MYO3B: variants seen among roughly 807,000 people sequenced by gnomAD.
The protein encoded by MYO3B is myosin-IIIb.
MYO3B carries 156 observed loss-of-function variants against 174.6 expected under a neutral mutation model. The observed-to-expected ratio is 0.89, with a 90% confidence interval of 0.78 to 1.02. The LOEUF (loss-of-function observed/expected upper bound fraction) is 1.02. MYO3B is among the 50% of genes least tolerant of loss of function. The probability of loss-of-function intolerance (pLI) is 0.00; values close to 1 mark genes in which losing one functional copy is unlikely to be tolerated. For missense variants in MYO3B, 1,632 were observed against 1,639.4 expected (o/e 1.00, Z 0.08); for synonymous variants, 563 against 569.1 (o/e 0.99, Z 0.15).
At position 170,236,019 on chromosome 2, in the gene MYO3B, C is replaced by A. The variant is rs753905500; in HGVS notation, c.632C>A (p.Ser211Tyr). ...EVIACEQQYD[S>Y]SYDARCDVWS... The stretch of plus-strand genomic sequence containing the variant: ...ATTGCCTGTGAGCAGCAGTATGACT[C>A]TTCCTATGACGCTCGCTGTGACGTC... The change falls in exon 7 of 35, where the codon TCT becomes TAT. Residue 211 changes from serine to tyrosine, a missense_variant. Physicochemically the swap from Ser to Tyr is moderately radical, Grantham distance 144. Coordinates refer to ENST00000408978, the MANE Select transcript of MYO3B (RefSeq NM_138995.5). 1 of 1,614,118 alleles carries A rather than the reference C, an allele frequency of 6.2e-7. No individual in the cohort carries two copies. The highest frequency in any genetic ancestry group is 1.1e-5 in the South Asian group (1 of 91,048).
chr2:170,629,731 T>C (rs2105374720), intron 32 of MYO3B, among the ~76,000 whole-genome samples: 1 of 152,116 alleles, frequency 6.6e-6, no homozygotes, highest in East Asian at 1.9e-4. Context: ...ATGCCTATAA[T>C]CCCAGCTACT....
intron 32 of MYO3B, among the ~76,000 whole-genome samples, chr2:170,584,547 G>C (rs1332198755): frequency 3.3e-5 from 5 of 152,126 alleles, no homozygotes; most frequent in Admixed American, 3.3e-4. Context: ...TATCTTTGCT[G>C]TTCATGTTTT....
Position 170,499,759 on chromosome 2 carries a change from C to CA in MYO3B, c.3244dup (p.Arg1082LysfsTer21), listed in dbSNP as rs773942009. 2 of 1,613,986 alleles carry CA rather than the reference C, an allele frequency of 1.2e-6. No individual in the cohort carries two copies. The highest frequency in any genetic ancestry group is 4.5e-5 in the East Asian group (2 of 44,876). ...AGGGGTGGCTTGGAGCCAGGAGATA[C>CA]AAAAGGGTCAGAGAGAAGAGAGAGA... On this transcript the variant is annotated frameshift_variant, in exon 27 of 35. Coordinates refer to ENST00000408978, the MANE Select transcript of MYO3B (RefSeq NM_138995.5). LOFTEE classifies it high-confidence loss of function.
intron 25 of MYO3B, among the ~76,000 whole-genome samples, chr2:170,481,205 T>C (rs994459611): frequency 3.3e-5 from 5 of 152,248 alleles, no homozygotes; most frequent in Non-Finnish European, 4.4e-5. Flanking sequence ...TCTTTTCACC[T>C]GTAGCTACAT....
chr2:170,329,555 A>ATTTT (rs752223902), intron 7 of MYO3B, among the ~76,000 whole-genome samples: 3,888 of 114,494 alleles, frequency 0.034, 213 homozygotes, highest in African/African-American at 0.12. Context: ...TGATTTTTGT[A>ATTTT]TTTTTTTTTT....
intron 20 of MYO3B, among the ~76,000 whole-genome samples, chr2:170,405,003 G>C (rs149272670): frequency 2.8e-3 from 422 of 152,326 alleles, no homozygotes; most frequent in Non-Finnish European, 3.4e-3. Context: ...CGAGGTGCTT[G>C]GGGCAATGAA....
At chr2:170,508,062 G>C (rs1195402005) in intron 28 of MYO3B, among the ~76,000 whole-genome samples, 1 of 152,190 alleles carries the variant, frequency 6.6e-6, no homozygotes, top group Non-Finnish European at 1.5e-5. Flanking sequence ...AGGTCCACTT[G>C]TGCCCAATAT....
chr2:170,498,565 G>T, intron 25 of MYO3B, 27 bp from the exon 26 acceptor site: 1 of 1,505,022 alleles, frequency 6.6e-7, no homozygotes, highest in Non-Finnish European at 9.2e-7. Flanking sequence ...GACTGAAAAG[G>T]CTTCACTTAA....
chr2:170,207,699 A>T (rs542300340), intron 3 of MYO3B, among the ~76,000 whole-genome samples: 9 of 150,712 alleles, frequency 6.0e-5, no homozygotes, highest in African/African-American at 2.0e-4. Context: ...TTCTCAAAGG[A>T]TTAGTCTAAA....
intron 1 of MYO3B, among the ~76,000 whole-genome samples, chr2:170,178,965 A>G (rs1390287165): frequency 6.6e-6 from 1 of 152,128 alleles, no homozygotes; most frequent in Non-Finnish European, 1.5e-5. Context: ...TCCTCTCAGT[A>G]ATTTTGTATA....
intron 28 of MYO3B, among the ~76,000 whole-genome samples, chr2:170,508,468 A>G (rs1272750235): frequency 6.6e-6 from 1 of 152,236 alleles, no homozygotes; most frequent in Non-Finnish European, 1.5e-5. Flanking sequence ...GGCAAGAATG[A>G]TCATGCTATT....
chr2:170,374,795 A>ACACACACACG (rs1307698235), intron 9 of MYO3B, among the ~76,000 whole-genome samples: 2 of 141,598 alleles, frequency 1.4e-5, no homozygotes, highest in African/African-American at 5.1e-5. Flanking sequence ...ACACACACAC[A>ACACACACACG]CACACTACAG....
intron 27 of MYO3B, among the ~76,000 whole-genome samples, chr2:170,501,109 C>A (rs1392219849): frequency 2.0e-5 from 3 of 151,794 alleles, no homozygotes; most frequent in Non-Finnish European, 4.4e-5. Context: ...TTATGCTCCT[C>A]GTGGGTGGCT....
intron 7 of MYO3B, among the ~76,000 whole-genome samples, chr2:170,274,208 G>C (rs1349021634): frequency 1.3e-5 from 2 of 152,102 alleles, no homozygotes; most frequent in Non-Finnish European, 2.9e-5. Flanking sequence ...CAGAGACCAA[G>C]CTGACGTTAG....
At chr2:170,281,421 T>A (rs1025488652) in intron 7 of MYO3B, among the ~76,000 whole-genome samples, 2 of 152,176 alleles carry the variant, frequency 1.3e-5, no homozygotes, top group African/African-American at 2.4e-5. Context: ...AAACACACTC[T>A]TGGACCACAG....
chr2:170,450,692 T>G (rs1433729017), intron 23 of MYO3B, among the ~76,000 whole-genome samples: 1 of 152,230 alleles, frequency 6.6e-6, no homozygotes, highest in Non-Finnish European at 1.5e-5. Context: ...TCTTTAATGC[T>G]AAAGCTAGTT....
intron 28 of MYO3B, among the ~76,000 whole-genome samples, chr2:170,503,579 G>T (rs1246448775): frequency 7.0e-6 from 1 of 142,052 alleles, no homozygotes; most frequent in Non-Finnish European, 1.5e-5. Flanking sequence ...ACACATTAAG[G>T]TGCCTTCCTT....
chr2:170,321,988 C>T (rs1307629391), intron 7 of MYO3B, among the ~76,000 whole-genome samples: 1 of 151,966 alleles, frequency 6.6e-6, no homozygotes, highest in African/African-American at 2.4e-5. Context: ...GTGGCACGTG[C>T]CTGTAATCCC....
At chr2:170,355,049 A>G (rs1365159284) in intron 8 of MYO3B, among the ~76,000 whole-genome samples, 3 of 151,948 alleles carry the variant, frequency 2.0e-5, no homozygotes, top group African/African-American at 7.3e-5. Flanking sequence ...CTCTGCAAAA[A>G]CCATCTCTCC....
Sources: allele counts gnomAD v4.1 joint callset (sites outside exome capture counted in the v4.1 genomes callset), GRCh38; gene constraint gnomAD v4.1.1; transcripts MANE v1.5; gene names NCBI Gene and HGNC (gene_info 2026-07-23, HGNC 2026-07-21).